Variants in WDR82 observed in about 807,000 individuals in gnomAD.
WDR82 encodes the protein WD repeat domain 82, also known as WD repeat-containing protein 82.
WDR82 carries 8 observed loss-of-function variants against 36.1 expected under a neutral mutation model. That is an observed-to-expected ratio of 0.22 (90% CI 0.13 to 0.40). WDR82 has a LOEUF of 0.40. Among genes scored for constraint, WDR82 ranks in the 10% least tolerant of loss-of-function variants. The pLI is 1.00. For missense variants in WDR82, 185 were observed against 400.5 expected (o/e 0.46, Z 4.59); for synonymous variants, 129 against 137.8 (o/e 0.94, Z 0.45).
At chr3:52,258,159 G>A (rs924962894) in intron 8 of WDR82, among the ~76,000 whole-genome samples, 1 of 152,092 alleles carries the variant, frequency 6.6e-6, no homozygotes, top group Non-Finnish European at 1.5e-5. Context: ...GGAATTTGGC[G>A]TAAACCAACA....
chr3:52,264,208 G>A (rs1700086483), intron 3 of WDR82, among the ~76,000 whole-genome samples: 1 of 152,132 alleles, frequency 6.6e-6, no homozygotes, highest in African/African-American at 2.4e-5. Flanking sequence ...AGGCGGGTCT[G>A]AAACTGATAA....
chr3:52,263,377 TAATGGG>T (rs927394069), intron 3 of WDR82, among the ~76,000 whole-genome samples: 29 of 152,144 alleles, frequency 1.9e-4, no homozygotes, highest in Non-Finnish European at 3.8e-4. Flanking sequence ...GAGTTCACCT[TAATGGG>T]AATGGTGGGA....
rs768354064 is a variant in WDR82 at position 52,258,517 on chromosome 3, C to T, written c.912+19G>A. The T allele has an allele frequency of 1.9e-6, 3 of 1,612,682 alleles. No homozygotes were observed. In the South Asian group the frequency reaches 3.3e-5, roughly 18 times the overall value. On this transcript the variant is annotated intron_variant, in intron 8 of 8. Coordinates refer to ENST00000296490, the MANE Select transcript of WDR82 (RefSeq NM_025222.4). The stretch of plus-strand genomic sequence containing the variant: ...GGGAAGGGTCCCTGAGTAGCAGATA[C>T]CTCTTACTGTTCACATACCATGTTG...
intron 2 of WDR82, chr3:52,267,500 G>C (rs1451887273): frequency 6.3e-6 from 1 of 159,252 alleles, no homozygotes; most frequent in Non-Finnish European, 1.4e-5. Flanking sequence ...TTTGTCTAGA[G>C]TTCTCCATCA....
chr3:52,266,500 C>T (rs1700108169), intron 3 of WDR82, among the ~76,000 whole-genome samples: 2 of 152,192 alleles, frequency 1.3e-5, no homozygotes, highest in Admixed American at 6.5e-5. Flanking sequence ...TGCAGTGGCG[C>T]GATCTCGGCT....
intron 3 of WDR82, among the ~76,000 whole-genome samples, chr3:52,262,110 G>A (rs1379300749): frequency 1.3e-5 from 2 of 152,196 alleles, no homozygotes; most frequent in Non-Finnish European, 2.9e-5. Flanking sequence ...GTGACAACAT[G>A]GAGGAACCTT....
At chr3:52,269,944 G>A (rs956877893) in intron 2 of WDR82, among the ~76,000 whole-genome samples, 5 of 152,102 alleles carry the variant, frequency 3.3e-5, no homozygotes, top group Admixed American at 6.5e-5. Context: ...ATCAAAAAAC[G>A]TTCCTGGAAT....
intron 1 of WDR82, among the ~76,000 whole-genome samples, chr3:52,274,058 G>A (rs1244943110): frequency 2.0e-5 from 3 of 152,194 alleles, no homozygotes; most frequent in African/African-American, 7.2e-5. Context: ...GCATCAACAA[G>A]GAAAATAATA....
chr3:52,263,487 T>C (rs1000512221), intron 3 of WDR82, among the ~76,000 whole-genome samples: 3 of 152,008 alleles, frequency 2.0e-5, no homozygotes, highest in Non-Finnish European at 2.9e-5. Context: ...TTAAGAGAGA[T>C]TGTGAAGCAA....
intron 2 of WDR82, chr3:52,267,590 G>C (rs1289526579): frequency 6.6e-6 from 1 of 152,518 alleles, no homozygotes; most frequent in Non-Finnish European, 1.5e-5. Context: ...CAAAACGTCA[G>C]AGAAGTGATG....
intron 3 of WDR82, among the ~76,000 whole-genome samples, chr3:52,263,650 A>C (rs543182327): frequency 6.6e-6 from 1 of 152,350 alleles, no homozygotes; most frequent in East Asian, 1.9e-4. Context: ...ACCTAGGGAG[A>C]ACTAAATAGT....
At chr3:52,262,056 T>C (rs1444299482) in intron 3 of WDR82, among the ~76,000 whole-genome samples, 1 of 152,224 alleles carries the variant, frequency 6.6e-6, no homozygotes, top group East Asian at 1.9e-4. Context: ...ATCTATACAC[T>C]GGAACATTAT....
At chr3:52,262,409 T>TA (rs1219214914) in intron 3 of WDR82, among the ~76,000 whole-genome samples, 1 of 152,094 alleles carries the variant, frequency 6.6e-6, no homozygotes, top group Non-Finnish European at 1.5e-5. Context: ...GTATCTCAAT[T>TA]AAAAAAACAC....
At chr3:52,259,330 A>G in intron 6 of WDR82, 64 bp from the exon 7 acceptor site, 3 of 1,493,378 alleles carry the variant, frequency 2.0e-6, no homozygotes, top group Non-Finnish European at 2.8e-6. Context: ...GCTGCCTACA[A>G]ACACTGACTC....
chr3:52,261,363 C>T lies in WDR82; in HGVS notation c.426+17G>A, dbSNP rs2107332209. ...CAAAGAAAATGCTCAAAAAGTATAA[C>T]TGTGAGGTACCATTACCTGGCAGTT... On this transcript the variant is annotated intron_variant, in intron 4 of 8. Coordinates refer to ENST00000296490, the MANE Select transcript of WDR82 (RefSeq NM_025222.4). 1 of 1,604,082 alleles carries T rather than the reference C, an allele frequency of 6.2e-7. No individual in the cohort carries two copies. Among genetic ancestry groups the T allele is most frequent in the East Asian group, 2.3e-5 (1 of 44,368 alleles).
At chr3:52,264,279 C>T (rs1056241758) in intron 3 of WDR82, among the ~76,000 whole-genome samples, 13 of 152,108 alleles carry the variant, frequency 8.5e-5, no homozygotes, top group East Asian at 1.9e-4. Context: ...ATGAAATCAG[C>T]GATGGAGATA....
chr3:52,270,736 C>T lies in WDR82; in HGVS notation c.235G>A (p.Val79Ile). 1 of 1,613,038 alleles carries T rather than the reference C, an allele frequency of 6.2e-7. No individual in the cohort carries two copies. Among genetic ancestry groups the T allele is most frequent in the Non-Finnish European group, 8.5e-7 (1 of 1,179,556 alleles). The stretch of plus-strand genomic sequence containing the variant: ...CCGTCTATTTTGTTAGAGCTGTAAA[C>T]AACTGTGTTTGCTGCATGAGTGTAT... Reference protein sequence around the residue: ...IRYTHAANTVVYSSNKIDDTI... With the variant: ...IRYTHAANTVIYSSNKIDDTI... The change falls in exon 2 of 9, where the codon GTT becomes ATT. Residue 79 changes from valine to isoleucine, a missense_variant. By Grantham distance (29) the Val-to-Ile change is conservative. Around this residue, in one of 3 missense-constraint regions of WDR82, gnomAD observed 26 missense variants for 107.4 expected, o/e 0.24. Transcript: ENST00000296490.
At chr3:52,258,469 T>C in intron 8 of WDR82, 67 bp downstream of exon 8, 1 of 1,590,362 alleles carries the variant, frequency 6.3e-7, no homozygotes, top group African/African-American at 1.3e-5. Context: ...GCTGTGCTTG[T>C]TGAGGCACCC....
rs769083732 is a variant in WDR82 at position 52,267,054 on chromosome 3, C to T, written c.260-36G>A. The T allele has an allele frequency of 2.6e-6, 4 of 1,526,936 alleles. No individual in the cohort carries two copies. In the East Asian group the frequency reaches 9.1e-5, roughly 35 times the overall value. 94.6% of individuals were successfully genotyped at this position (1,526,936 alleles called of 1,614,324 possible). A position where few individuals can be genotyped will look rare whatever the true frequency, so the allele number is the denominator to read the frequency against. ...ACAAACAAGGTATGATGATATCATA[C>T]TATTTAAAAGAAATTTACTTTACAT... is the stretch of plus-strand genomic sequence containing the variant. On this transcript the variant is annotated intron_variant, in intron 2 of 8. Coordinates refer to ENST00000296490, the MANE Select transcript of WDR82 (RefSeq NM_025222.4).
Sources: allele counts gnomAD v4.1 joint callset (sites outside exome capture counted in the v4.1 genomes callset), GRCh38; gene constraint gnomAD v4.1.1; regional missense constraint gnomAD v4.1.1; transcripts MANE v1.5; gene names NCBI Gene and HGNC (gene_info 2026-07-23, HGNC 2026-07-21).